Variants in PGAP3 observed in about 807,000 individuals in gnomAD.
The protein encoded by PGAP3 is post-GPI attachment to proteins phospholipase 3, also known as GPI-specific phospholipase A2-like PGAP3.
Under a neutral mutation model 40.3 loss-of-function variants are expected in PGAP3, and 31 were observed. That is an observed-to-expected ratio of 0.77 (90% CI 0.58 to 1.04). PGAP3 has a LOEUF of 1.04. Ranked by LOEUF, PGAP3 falls within the 50% of genes least tolerant of loss-of-function variation. PGAP3 has a pLI of 0.00. For missense variants in PGAP3, 413 were observed against 423.0 expected (o/e 0.98, Z 0.21); for synonymous variants, 191 against 184.5 (o/e 1.04, Z -0.29).
chr17:39,673,368 C>G, intron 6 of PGAP3, 113 bp from the exon 7 acceptor site: 1 of 1,543,932 alleles, frequency 6.5e-7, no homozygotes, highest in Non-Finnish European at 8.8e-7. Flanking sequence ...TCCTCCCAGC[C>G]TCCTCTCTCT....
intron 2 of PGAP3, among the ~76,000 whole-genome samples, chr17:39,685,585 G>A (rs2057500718): frequency 6.6e-6 from 1 of 151,970 alleles, no homozygotes; most frequent in Non-Finnish European, 1.5e-5. Context: ...TGTGAATCCA[G>A]ACCCCTACTG....
intron 1 of PGAP3, 34 bp downstream of exon 1, chr17:39,687,800 A>G: frequency 4.5e-6 from 6 of 1,338,846 alleles, no homozygotes; most frequent in South Asian, 2.0e-5. Flanking sequence ...GAGCAAGACA[A>G]ATGGGCGGGG....
rs1231416557 is a variant in PGAP3, at chr17:39,671,401, T to A, written c.*1402A>T. 6.6e-6 allele frequency: 1 copy of A among 151,998 alleles called. No individual in the cohort carries two copies. The highest frequency in any genetic ancestry group is 1.5e-5 in the Non-Finnish European group (1 of 67,962). The allele number at this position is 151,998 out of a possible 1,614,324, so 9.4% of individuals were successfully genotyped here. ...CAGGGCTGCTGGTAAATGGCAGGGG[T>A]CACCTTTACCAGGGCGCAGGCATAG... On this transcript the variant is annotated 3_prime_UTR_variant, in exon 8 of 8. Transcript: ENST00000300658.
At chr17:39,674,111 C>G (rs371598598) in intron 4 of PGAP3, 57 bp from the exon 5 acceptor site, 13 of 1,558,152 alleles carry the variant, frequency 8.3e-6, no homozygotes, top group Non-Finnish European at 1.1e-5. Flanking sequence ...AGAGGACCCG[C>G]GGGGATGGGG....
chr17:39,674,635 C>A lies in PGAP3; in HGVS notation c.477G>T (p.Arg159Ser). ...AWFWSTVFHT[R>S]DTDLTEKMDY... is the part of the protein sequence containing the mutation. ...TGCTCACCTCTGTGAGGTCAGTGTC[C>A]CTGGTGTGGAAAACTGTGGACCAGA... Residue 159 changes from arginine (R) to serine (S), a missense_variant, in exon 4 of 8, where the codon AGG becomes AGT. By Grantham distance (110) the Arg-to-Ser change is moderately radical (BLOSUM62 -1). Transcript: ENST00000300658. 8.4e-6 allele frequency: 13 copies of A among 1,551,284 alleles called. No individual in the cohort carries two copies. Among genetic ancestry groups the A allele is most frequent in the Non-Finnish European group, 1.1e-5 (13 of 1,146,680 alleles).
chr17:39,686,227 A>G (rs2057516481), intron 1 of PGAP3, among the ~76,000 whole-genome samples: 1 of 152,144 alleles, frequency 6.6e-6, no homozygotes, highest in Admixed American at 6.5e-5. Flanking sequence ...ATGTATGCAT[A>G]TTTTAGTGAG....
intron 1 of PGAP3, 35 bp downstream of exon 1, chr17:39,687,799 A>G: frequency 7.5e-7 from 1 of 1,339,024 alleles, no homozygotes; most frequent in Non-Finnish European, 9.7e-7. Context: ...GGAGCAAGAC[A>G]AATGGGCGGG....
intron 3 of PGAP3, among the ~76,000 whole-genome samples, chr17:39,675,039 C>T (rs2057358437): frequency 1.1e-5 from 1 of 89,266 alleles, no homozygotes; most frequent in African/African-American, 3.3e-5. Context: ...GTGTTGACAG[C>T]ACCACCCCAC....
chr17:39,687,323 A>C (rs2057560964), intron 1 of PGAP3, among the ~76,000 whole-genome samples: 1 of 152,232 alleles, frequency 6.6e-6, no homozygotes, highest in Non-Finnish European at 1.5e-5. Context: ...CCTGTCACAC[A>C]GTGAGTGCTC....
rs1199803729 is a variant in PGAP3, at chr17:39,684,855, C to T, written c.280-106G>A. On this transcript the variant is annotated intron_variant, in intron 2 of 7. Coordinates refer to ENST00000300658, the MANE Select transcript of PGAP3 (RefSeq NM_033419.5). ...AGCAACAGGTCCTCAGCTGAGTCCT[C>T]AGCTCTGGAGTTTGGCCAAAGCCTC... 3 of 1,364,708 alleles carry T rather than the reference C, an allele frequency of 2.2e-6. No homozygotes were observed. The African/African-American group carries it at 4.4e-5, about 20-fold the overall frequency. 84.5% of individuals were successfully genotyped at this position (1,364,708 alleles called of 1,614,324 possible).
intron 5 of PGAP3, 97 bp downstream of exon 5, chr17:39,673,896 G>A (rs1397290063): frequency 4.2e-6 from 6 of 1,428,952 alleles, no homozygotes; most frequent in East Asian, 2.4e-5. Flanking sequence ...CGTAGGTGTT[G>A]GGAGACTAGT....
intron 3 of PGAP3, among the ~76,000 whole-genome samples, chr17:39,677,587 C>T (rs999953895): frequency 2.6e-5 from 4 of 152,148 alleles, no homozygotes; most frequent in Admixed American, 1.3e-4. Flanking sequence ...TCTCGGACTC[C>T]TTGCCACGCT....
intron 1 of PGAP3, 59 bp downstream of exon 1, chr17:39,687,775 G>C: frequency 7.9e-7 from 1 of 1,261,482 alleles, no homozygotes; most frequent in Non-Finnish European, 1.0e-6. Context: ...GGCGTATTGG[G>C]GGCGCAGGGG....
rs1455609224 is a variant in PGAP3 at position 39,684,592 on chromosome 17, C to T, written c.432+5G>A. On this transcript the variant is annotated splice_donor_5th_base_variant and intron_variant, in intron 3 of 7. Coordinates refer to ENST00000300658, the MANE Select transcript of PGAP3 (RefSeq NM_033419.5). ...AGACAGCAGGAGTCCTGCTAGGTTA[C>T]CTACCCAGGCGAAGGCCACACAGGT... 1 of 1,607,802 alleles carries T rather than the reference C, an allele frequency of 6.2e-7. No homozygotes were observed. Among genetic ancestry groups the T allele is most frequent in the Non-Finnish European group, 8.5e-7 (1 of 1,177,106 alleles).
chr17:39,687,816 C>T lies in PGAP3; in HGVS notation c.181+18G>A, dbSNP rs1328433133. 3 of 1,368,466 alleles carry T rather than the reference C, an allele frequency of 2.2e-6. No individual in the cohort carries two copies. The highest frequency in any genetic ancestry group is 1.5e-5 in the African/African-American group (1 of 65,902). 84.8% of individuals were successfully genotyped at this position (1,368,466 alleles called of 1,614,324 possible). Reference sequence around the variant, plus strand: ...AGCAAGACAAATGGGCGGGGCTTACCGTGGGGGTGGGGCTTACCTGCTAGA... The same window carrying T: ...AGCAAGACAAATGGGCGGGGCTTACTGTGGGGGTGGGGCTTACCTGCTAGA... On this transcript the variant is annotated intron_variant, in intron 1 of 7. Transcript: ENST00000300658.
chr17:39,674,148 G>A (rs922819668), intron 4 of PGAP3, 94 bp from the exon 5 acceptor site: 36 of 1,257,608 alleles, frequency 2.9e-5, no homozygotes, highest in East Asian at 1.4e-4. Flanking sequence ...GAGAGGGGCC[G>A]GGGTCCTGGG....
chr17:39,673,370 C>T lies in PGAP3; in HGVS notation c.695-115G>A, dbSNP rs557607591. The stretch of plus-strand genomic sequence containing the variant: ...CATCCTCGGACTCTCCTCCCAGCCT[C>T]CTCTCTCTCCCACCTCAAATTCTTC... On this transcript the variant is annotated intron_variant, in intron 6 of 7. Coordinates refer to ENST00000300658, the MANE Select transcript of PGAP3 (RefSeq NM_033419.5). 6.5e-6 allele frequency: 10 copies of T among 1,544,396 alleles called. No individual in the cohort carries two copies. In the East Asian group the frequency reaches 1.6e-4, roughly 24 times the overall value.
intron 7 of PGAP3, 24 bp downstream of exon 7, chr17:39,673,027 C>T (rs1176618885): frequency 2.5e-6 from 4 of 1,592,892 alleles, no homozygotes; most frequent in Non-Finnish European, 3.4e-6. Context: ...AGAAGGTGAG[C>T]ACCAGGCAGG....
intron 3 of PGAP3, among the ~76,000 whole-genome samples, chr17:39,681,612 G>A (rs552693103): frequency 8.3e-4 from 127 of 152,196 alleles, no homozygotes; most frequent in African/African-American, 2.9e-3. Flanking sequence ...GGGTTCAAGT[G>A]ATTTTCCTGC....
Sources: allele counts gnomAD v4.1 joint callset (sites outside exome capture counted in the v4.1 genomes callset), GRCh38; gene constraint gnomAD v4.1.1; transcripts MANE v1.5; gene names NCBI Gene and HGNC (gene_info 2026-07-23, HGNC 2026-07-21).